MAJIN: variants seen among roughly 807,000 people sequenced by gnomAD.
MAJIN encodes membrane-anchored junction protein.
In MAJIN, 27 loss-of-function variants were observed where a neutral mutation model predicts 30.2. That is an observed-to-expected ratio of 0.89 (90% confidence interval 0.66 to 1.23). The LOEUF is 1.23. MAJIN is among the 50% of genes most tolerant of loss of function. MAJIN has a pLI of 0.00. For missense variants in MAJIN, 253 were observed against 260.3 expected (o/e 0.97, Z 0.19); for synonymous variants, 78 against 91.6 (o/e 0.85, Z 0.85).
chr11:64,971,647 C>T (rs1011651244), intron 1 of MAJIN, among the ~76,000 whole-genome samples: 3 of 152,018 alleles, frequency 2.0e-5, no homozygotes, highest in Non-Finnish European at 2.9e-5. Flanking sequence ...GCCTGCGACC[C>T]GCGCTCCGGT....
chr11:64,938,398 AC>A lies in MAJIN; in HGVS notation c.*176del. 1.0e-6 allele frequency: 1 copy of A among 1,000,978 alleles called. No homozygotes were observed. The highest frequency in any genetic ancestry group is 1.4e-5 in the South Asian group (1 of 71,240). 62.0% of individuals were successfully genotyped at this position (1,000,978 alleles called of 1,614,324 possible). On this transcript the variant is annotated 3_prime_UTR_variant, in exon 11 of 11. Transcript: ENST00000301896. ...AAAGGACACGATAAAACCACAGAGG[AC>A]TCAGCATGGGGACCTCATTCCCCAC...
At chr11:64,939,320 G>A (rs543682348) in intron 10 of MAJIN, among the ~76,000 whole-genome samples, 5 of 152,266 alleles carry the variant, frequency 3.3e-5, no homozygotes, top group African/African-American at 1.2e-4. Flanking sequence ...GGCTGGTCTT[G>A]AACTCCTGAC....
intron 8 of MAJIN, among the ~76,000 whole-genome samples, chr11:64,941,825 C>G (rs369498678): frequency 6.6e-6 from 1 of 151,902 alleles, no homozygotes; most frequent in Admixed American, 6.6e-5. Context: ...GTTGTCATGA[C>G]GGGGGTGAGG....
intron 8 of MAJIN, among the ~76,000 whole-genome samples, chr11:64,945,930 A>G (rs1369037008): frequency 3.3e-5 from 5 of 152,236 alleles, no homozygotes; most frequent in Non-Finnish European, 5.9e-5. Context: ...GTTGAATGTT[A>G]TTCTGCAGAC....
chr11:64,952,403 G>A (rs535749487), intron 4 of MAJIN, among the ~76,000 whole-genome samples: 1 of 152,130 alleles, frequency 6.6e-6, no homozygotes, highest in Admixed American at 6.5e-5. Flanking sequence ...GGCCAGGCTG[G>A]TCACAAACTC....
intron 3 of MAJIN, among the ~76,000 whole-genome samples, chr11:64,957,002 G>GA (rs1438381125): frequency 1.3e-5 from 2 of 151,908 alleles, no homozygotes; most frequent in Non-Finnish European, 2.9e-5. Context: ...CCTGACCTCA[G>GA]AAGATCCGCC....
chr11:64,965,955 CAA>C (rs1299713572), intron 1 of MAJIN, among the ~76,000 whole-genome samples: 37 of 83,384 alleles, frequency 4.4e-4, no homozygotes, highest in Admixed American at 5.5e-4. Flanking sequence ...GACTCTGTCT[CAA>C]AAAAAAAAAA....
chr11:64,947,041 T>C (rs1388474659), intron 8 of MAJIN, among the ~76,000 whole-genome samples: 1 of 152,206 alleles, frequency 6.6e-6, no homozygotes, highest in African/African-American at 2.4e-5. Flanking sequence ...TTTGTAAATA[T>C]TCTGAGACTT....
chr11:64,963,201 C>T (rs777677326), intron 1 of MAJIN, among the ~76,000 whole-genome samples: 10 of 152,162 alleles, frequency 6.6e-5, no homozygotes, highest in Admixed American at 2.0e-4. Flanking sequence ...ACAGCACATA[C>T]GTGCAAAACT....
chr11:64,941,651 G>A (rs924150979), intron 8 of MAJIN, among the ~76,000 whole-genome samples: 7 of 151,808 alleles, frequency 4.6e-5, no homozygotes, highest in Non-Finnish European at 8.8e-5. Flanking sequence ...ACTCCATCTC[G>A]AAAAAAAGAA....
chr11:64,970,191 C>A (rs913144694), intron 1 of MAJIN, among the ~76,000 whole-genome samples: 1 of 131,854 alleles, frequency 7.6e-6, no homozygotes. Flanking sequence ...TGGTGAAACC[C>A]CATCTCTACT....
At chr11:64,938,940 G>GT (rs940957103) in intron 10 of MAJIN, among the ~76,000 whole-genome samples, 4 of 152,048 alleles carry the variant, frequency 2.6e-5, no homozygotes, top group African/African-American at 9.7e-5. Flanking sequence ...TGTTTGGTTG[G>GT]TTTTTTTGAG....
chr11:64,939,740 C>T lies in MAJIN; in HGVS notation c.574G>A (p.Gly192Ser), dbSNP rs765416026. The change falls in exon 10 of 11, where the codon GGC (glycine) becomes AGC (serine). Residue 192 changes from glycine to serine, a missense_variant. Coordinates refer to ENST00000301896, the MANE Select transcript of MAJIN (RefSeq NM_001037225.3). ...GTGCTGCAGGGGTGGGACAATTCGC[C>T]CTGGCAGGCTGTGTCCCCACTCAGA... is the stretch of plus-strand genomic sequence containing the variant. ...KILSGDTACQ[G>S]ELSHPCSTTH... 5.6e-6 allele frequency: 9 copies of T among 1,613,918 alleles called. No individual in the cohort carries two copies. In the South Asian group the frequency reaches 8.8e-5, roughly 16 times the overall value.
At chr11:64,947,868 T>C in intron 6 of MAJIN, 49 bp from the exon 7 acceptor site, 1 of 1,556,432 alleles carries the variant, frequency 6.4e-7, no homozygotes. Flanking sequence ...CTTTTTTTTT[T>C]TTTTTTTTGG....
At chr11:64,968,270 C>T (rs1945842852) in intron 1 of MAJIN, among the ~76,000 whole-genome samples, 1 of 152,008 alleles carries the variant, frequency 6.6e-6, no homozygotes, top group Non-Finnish European at 1.5e-5. Context: ...ATCTAAATAT[C>T]TATTCTAATT....
At chr11:64,971,302 C>T (rs1214817926) in intron 1 of MAJIN, among the ~76,000 whole-genome samples, 1 of 151,942 alleles carries the variant, frequency 6.6e-6, no homozygotes, top group East Asian at 1.9e-4. Flanking sequence ...CGGCGCATGC[C>T]TGTAATCCCA....
chr11:64,950,510 T>C (rs914266203), intron 4 of MAJIN, 80 bp from the exon 5 acceptor site: 4 of 1,197,234 alleles, frequency 3.3e-6, no homozygotes, highest in South Asian at 2.5e-5. Context: ...GCTACTCACA[T>C]ACCCTATACA....
Position 64,959,389 on chromosome 11 carries a change from A to G in MAJIN, c.17T>C (p.Phe6Ser). 1 of 1,613,828 alleles carries G rather than the reference A, an allele frequency of 6.2e-7. No individual in the cohort carries two copies. The highest frequency in any genetic ancestry group is 8.5e-7 in the Non-Finnish European group (1 of 1,179,730). ...CCTCGTCTCTGGAAACGGGTAGGTA[A>G]AGGGTTTTAAACTCATTGCTCCCAA... MSLKPFTYPFPETRFL... is the reference protein window; with the variant it reads MSLKPSTYPFPETRFL... The change falls in exon 3 of 11, where the codon TTT becomes TCT. Residue 6 changes from phenylalanine (F) to serine (S), a missense_variant. By Grantham distance (155) the Phe-to-Ser change is radical. Transcript: ENST00000301896.
chr11:64,971,298 ATG>A (rs1945898914), intron 1 of MAJIN, among the ~76,000 whole-genome samples: 1 of 151,914 alleles, frequency 6.6e-6, no homozygotes, highest in African/African-American at 2.4e-5. Context: ...GTGGCGGCGC[ATG>A]CCTGTAATCC....
Sources: allele counts gnomAD v4.1 joint callset (sites outside exome capture counted in the v4.1 genomes callset), GRCh38; gene constraint gnomAD v4.1.1; transcripts MANE v1.5; gene names NCBI Gene and HGNC (gene_info 2026-07-23, HGNC 2026-07-21).